The following ANK3 variants were observed in gnomAD, a reference collection of about 807,000 sequenced individuals.
The protein encoded by ANK3 is ankyrin 3, also known as ankyrin-3.
ANK3 carries 57 observed loss-of-function variants against 370.9 expected under a neutral mutation model. That is an observed-to-expected ratio of 0.15 (90% confidence interval 0.12 to 0.19). The LOEUF (loss-of-function observed/expected upper bound fraction) is 0.19, where lower values mean the gene tolerates loss of function less well. ANK3 is among the 10% of genes least tolerant of loss of function. The probability of loss-of-function intolerance (pLI) is 1.00; values close to 1 mark genes in which losing one functional copy is unlikely to be tolerated. For synonymous variants in ANK3, 1,929 were observed against 1,946.3 expected, an observed-to-expected ratio of 0.99 and a Z score of 0.23; for missense variants, 4,439 against 5,302.1, an observed-to-expected ratio of 0.84 and a Z score of 5.06.
intron 2 of ANK3, among the ~76,000 whole-genome samples, chr10:60,456,456 T>C (rs573640007): frequency 6.6e-6 from 1 of 152,284 alleles, no homozygotes; most frequent in East Asian, 1.9e-4. Context: ...TTTTTCAAAC[T>C]ACCTCCCTCC....
chr10:60,400,264 C>A (rs1350212015), intron 2 of ANK3, among the ~76,000 whole-genome samples: 2 of 152,090 alleles, frequency 1.3e-5, no homozygotes, highest in Admixed American at 1.3e-4. Flanking sequence ...CTATTTTTAA[C>A]AATAATTTTC....
rs72820463 is a variant in ANK3, at chr10:60,237,805, C to T, written c.799-3019G>A. Among the ~76,000 whole-genome samples the T allele has an allele frequency of 3.0e-3, 449 of 152,188 alleles. 1 individual carries two copies. The highest frequency in any genetic ancestry group is 6.0e-3 in the Admixed American group (91 of 15,286). ...GCACTTAAACAGCGTTGTAAAGGAC[C>T]TGAACTTCTGTAATTTCATTTTACC... is the stretch of plus-strand genomic sequence containing the variant. On this transcript the variant is annotated intron_variant, in intron 7 of 43. Transcript: ENST00000280772.
At chr10:60,542,404 T>C (rs2076870583) in intron 2 of ANK3, among the ~76,000 whole-genome samples, 1 of 151,862 alleles carries the variant, frequency 6.6e-6, no homozygotes, top group African/African-American at 2.4e-5. Flanking sequence ...GCTAAGAATG[T>C]TTGGATTGGC....
intron 2 of ANK3, among the ~76,000 whole-genome samples, chr10:60,480,758 C>G (rs1294823598): frequency 6.6e-6 from 1 of 152,184 alleles, no homozygotes; most frequent in African/African-American, 2.4e-5. Context: ...ATAAAAATCA[C>G]AACTTGATGA....
chr10:60,177,232 T>C (rs2095993324), intron 18 of ANK3, among the ~76,000 whole-genome samples: 1 of 152,212 alleles, frequency 6.6e-6, no homozygotes, highest in Non-Finnish European at 1.5e-5. Flanking sequence ...CCCGAGGGTT[T>C]TGTCTTTGGT....
intron 1 of ANK3, among the ~76,000 whole-genome samples, chr10:60,364,789 T>A (rs961642756): frequency 1.3e-5 from 2 of 152,094 alleles, no homozygotes; most frequent in Non-Finnish European, 2.9e-5. Context: ...AAGGTAACAA[T>A]TTTTAATGTG....
rs185594057 is a variant in ANK3, at chr10:60,647,919, C to T, written c.58-32695G>A. Among the ~76,000 whole-genome samples, 399 of 151,396 alleles carry T rather than the reference C, an allele frequency of 2.6e-3. 2 individuals are homozygous for T. Among genetic ancestry groups the T allele is most frequent in the African/African-American group, 9.1e-3 (377 of 41,318 alleles). ...CTGGAGTGCAGTGGCGCGATCTTGG[C>T]TCACTGCAACCTCTGCCTCCCAGGT... On this transcript the variant is annotated intron_variant, in intron 1 of 43. Transcript: ENST00000373827.
chr10:60,726,544 G>A (rs2132030948), intron 1 of ANK3, among the ~76,000 whole-genome samples: 1 of 152,150 alleles, frequency 6.6e-6, no homozygotes, highest in East Asian at 1.9e-4. Context: ...TTAAAGATGT[G>A]GAAGCTGAGA....
At chr10:60,558,274 T>C (rs2077255692) in intron 2 of ANK3, among the ~76,000 whole-genome samples, 1 of 152,226 alleles carries the variant, frequency 6.6e-6, no homozygotes, top group African/African-American at 2.4e-5. Context: ...TCAATGAACA[T>C]TTTTATATTT....
At chr10:60,628,630 G>A (rs182863927) in intron 1 of ANK3, among the ~76,000 whole-genome samples, 9 of 152,222 alleles carry the variant, frequency 5.9e-5, no homozygotes, top group South Asian at 2.1e-4. Context: ...AAACAATGGA[G>A]TCCCAACATC....
chr10:60,608,203 C>T (rs2078153356), intron 2 of ANK3, among the ~76,000 whole-genome samples: 1 of 152,118 alleles, frequency 6.6e-6, no homozygotes, highest in African/African-American at 2.4e-5. Flanking sequence ...CATCATATAG[C>T]ACATAATGGC....
intron 2 of ANK3, 145 bp from the exon 3 acceptor site, chr10:60,279,293 G>T: frequency 1.3e-6 from 1 of 755,206 alleles, no homozygotes; most frequent in Non-Finnish European, 2.2e-6. Flanking sequence ...CTTGAATTAG[G>T]AATCAAAGTA....
intron 7 of ANK3, among the ~76,000 whole-genome samples, chr10:60,240,155 C>CAT (rs10629896): frequency 0.51 from 55,313 of 108,992 alleles, 14,858 homozygotes; most frequent in Non-Finnish European, 0.6. Flanking sequence ...CATATATATA[C>CAT]ATATATACAC....
At chr10:60,318,724 C>G (rs892315424) in intron 1 of ANK3, among the ~76,000 whole-genome samples, 1 of 152,154 alleles carries the variant, frequency 6.6e-6, no homozygotes. Context: ...AGGTCACTTC[C>G]TCGCCACCCT....
At chr10:60,513,461 A>G (rs879494970) in intron 2 of ANK3, among the ~76,000 whole-genome samples, 1 of 152,132 alleles carries the variant, frequency 6.6e-6, no homozygotes, top group Admixed American at 6.6e-5. Flanking sequence ...AACCAGGGAG[A>G]CTTTTTTGAG....
At chr10:60,595,414 T>C (rs1033228460) in intron 2 of ANK3, among the ~76,000 whole-genome samples, 1 of 152,122 alleles carries the variant, frequency 6.6e-6, no homozygotes, top group Admixed American at 6.6e-5. Context: ...ATTGGAGCTG[T>C]CTTCTTGCAC....
rs183364180 is a variant in ANK3 at position 60,502,162 on chromosome 10, G to A, written c.96+113024C>T. On this transcript the variant is annotated intron_variant, in intron 2 of 43. Transcript: ENST00000373827. ...GTGACAAAGCTGTCTGAAGCCTCAA[G>A]AATGAATTGATGGTAGCCTAGGTAC... Among the ~76,000 whole-genome samples the A allele has an allele frequency of 1.5e-3, 222 of 152,306 alleles. 1 individual carries two copies. Among genetic ancestry groups the A allele is most frequent in the African/African-American group, 5.2e-3 (215 of 41,572 alleles).
rs1425915381 is a variant in ANK3, at chr10:60,026,916, T to C, written c.*2930A>G. On this transcript the variant is annotated 3_prime_UTR_variant, in exon 44 of 44. Coordinates refer to ENST00000280772, the MANE Select transcript of ANK3 (RefSeq NM_020987.5). ...AATCAATGAAAAGCTTAAATACATA[T>C]TTATAAGCTGGCAGGCCAAATATTA... is the stretch of plus-strand genomic sequence containing the variant. The C allele has an allele frequency of 6.6e-6, 1 of 152,216 alleles. No homozygotes were observed. The highest frequency in any genetic ancestry group is 1.5e-5 in the Non-Finnish European group (1 of 68,034). The allele number at this position is 152,216 out of a possible 1,614,324, so 9.4% of individuals were successfully genotyped here. A position where few individuals can be genotyped will look rare whatever the true frequency, so the allele number is the denominator to read the frequency against.
chr10:60,325,712 G>T (rs551494327), intron 1 of ANK3, among the ~76,000 whole-genome samples: 1 of 152,290 alleles, frequency 6.6e-6, no homozygotes, highest in South Asian at 2.1e-4. Flanking sequence ...TATTGTGGAA[G>T]ACAGTGTGGC....
Sources: gnomAD v4.1 joint callset for allele counts (sites outside exome capture counted in the v4.1 genomes callset) on GRCh38, gnomAD v4.1.1 for gene constraint, MANE v1.5 for transcripts, NCBI Gene and HGNC (gene_info 2026-07-23, HGNC 2026-07-21) for gene names.